The following LYPD6B variants were observed in gnomAD, a reference collection of about 807,000 sequenced individuals.
LYPD6B encodes ly6/PLAUR domain-containing protein 6B.
A neutral mutation model predicts 22.8 loss-of-function variants in LYPD6B; 17 were observed. That is an observed-to-expected ratio of 0.75 (90% CI 0.51 to 1.12). LYPD6B has a LOEUF of 1.12. LYPD6B is among the 50% of genes most tolerant of loss of function. LYPD6B has a pLI of 0.00. For missense variants in LYPD6B, 221 were observed against 258.3 expected, an observed-to-expected ratio of 0.86 and a Z score of 0.99; for synonymous variants, 106 against 91.6, an observed-to-expected ratio of 1.16 and a Z score of -0.90.
chr2:149,187,670 A>G (rs538561959), intron 3 of LYPD6B: 1 of 596,786 alleles, frequency 1.7e-6, no homozygotes, highest in Non-Finnish European at 2.6e-6. Context: ...TCTGTGGGCC[A>G]CATTAGAAGA....
intron 2 of LYPD6B, among the ~76,000 whole-genome samples, chr2:149,138,911 T>G (rs6433019): frequency 0.64 from 98,043 of 152,124 alleles, 31,807 homozygotes; most frequent in East Asian, 0.91. Flanking sequence ...AAACAATTTT[T>G]GCAGTGTTAT....
chr2:149,176,007 A>G (rs1251617495), intron 3 of LYPD6B, among the ~76,000 whole-genome samples: 3 of 152,248 alleles, frequency 2.0e-5, no homozygotes, highest in Admixed American at 6.5e-5. Context: ...AATAAAATAT[A>G]GTAAATACAT....
chr2:149,080,644 C>A (rs1268261751), intron 1 of LYPD6B, among the ~76,000 whole-genome samples: 2 of 151,930 alleles, frequency 1.3e-5, no homozygotes, highest in African/African-American at 4.8e-5. Flanking sequence ...GAGTTTGAGA[C>A]CAGCCTGGAC....
At chr2:149,196,370 T>G (rs573575497) in intron 3 of LYPD6B, among the ~76,000 whole-genome samples, 1 of 152,368 alleles carries the variant, frequency 6.6e-6, no homozygotes, top group East Asian at 1.9e-4. Context: ...TATTGTTCGT[T>G]TTTAAATGCC....
At chr2:149,072,340 T>G (rs1027909400) in intron 1 of LYPD6B, among the ~76,000 whole-genome samples, 8 of 138,962 alleles carry the variant, frequency 5.8e-5, no homozygotes, top group African/African-American at 2.2e-4. Context: ...GGTTATTTTA[T>G]TTTAGTTTAG....
At position 149,171,950 on chromosome 2, in the gene LYPD6B, C is replaced by T. The variant is rs115543300; in HGVS notation, c.77+11115C>T. Among the ~76,000 whole-genome samples the T allele has an allele frequency of 5.3e-3, 776 of 145,132 alleles. 5 individuals are homozygous for T. Among genetic ancestry groups the T allele is most frequent in the Non-Finnish European group, 7.5e-3 (485 of 64,924 alleles). ...CTCCCAGGCCCCTGGTTTCTACCCT[C>T]TGCCCTTTTGGCTCATTTCCTCCTC... On this transcript the variant is annotated intron_variant, in intron 3 of 6. Coordinates refer to ENST00000409642, the MANE Select transcript of LYPD6B (RefSeq NM_177964.5).
chr2:149,106,965 T>G (rs986779164), intron 1 of LYPD6B, among the ~76,000 whole-genome samples: 2 of 152,124 alleles, frequency 1.3e-5, no homozygotes, highest in African/African-American at 4.8e-5. Flanking sequence ...AGTGGATTCT[T>G]GAAACCATGG....
At chr2:149,180,597 T>G (rs962734571) in intron 3 of LYPD6B, among the ~76,000 whole-genome samples, 3 of 152,230 alleles carry the variant, frequency 2.0e-5, no homozygotes, top group Admixed American at 6.5e-5. Context: ...TCTTTCCTAC[T>G]GGAAGCATCC....
intron 3 of LYPD6B, among the ~76,000 whole-genome samples, chr2:149,174,772 G>A (rs961453516): frequency 2.6e-5 from 4 of 151,244 alleles, no homozygotes; most frequent in African/African-American, 9.7e-5. Flanking sequence ...TGTGCTGCTG[G>A]ATTCCTGTCA....
rs1694104361 is a variant in LYPD6B, at chr2:149,215,072, CTTG to C, written c.*365_*367del. On this transcript the variant is annotated 3_prime_UTR_variant, in exon 7 of 7. Coordinates refer to ENST00000409642, the MANE Select transcript of LYPD6B (RefSeq NM_177964.5). ...CTCAGAGGCTGCCAGGTCAAACCCT[CTTG>C]TTTATGTGATTAGCTCAGAGCATCT... 4.4e-6 allele frequency: 1 copy of C among 229,846 alleles called. No individual in the cohort carries two copies. The highest frequency in any genetic ancestry group is 2.2e-5 in the African/African-American group (1 of 45,270). The allele number at this position is 229,846 out of a possible 1,614,324, so 14.2% of individuals were successfully genotyped here.
At chr2:149,063,725 A>G (rs1684197614) in intron 1 of LYPD6B, among the ~76,000 whole-genome samples, 1 of 152,246 alleles carries the variant, frequency 6.6e-6, no homozygotes. Context: ...CCCAGAAATA[A>G]ATTCCAAAGG....
At chr2:149,063,223 A>C (rs1397632216) in intron 1 of LYPD6B, among the ~76,000 whole-genome samples, 1 of 152,210 alleles carries the variant, frequency 6.6e-6, no homozygotes, top group Non-Finnish European at 1.5e-5. Context: ...CAAATTAAAC[A>C]ATGAGTTTTA....
chr2:149,093,801 AT>A (rs373254165), intron 1 of LYPD6B, among the ~76,000 whole-genome samples: 162 of 151,916 alleles, frequency 1.1e-3, no homozygotes, highest in Non-Finnish European at 1.8e-3. Context: ...GAATAATCTG[AT>A]TTTTTTTCCA....
Position 149,134,927 on chromosome 2 carries a change from TAA to T in LYPD6B, c.5+3976_5+3977del, listed in dbSNP as rs556122746. Among the ~76,000 whole-genome samples the T allele has an allele frequency of 4.6e-3, 705 of 152,312 alleles. 4 individuals carry two copies. The highest frequency in any genetic ancestry group is 8.6e-3 in the Admixed American group (131 of 15,300). ...TTATCTTAGAATCATGGGAAATATTTAAAGCAACCATCAACTCTTTGAAGATT... is the reference window on the plus strand; with the variant it reads ...TTATCTTAGAATCATGGGAAATATTTAGCAACCATCAACTCTTTGAAGATT... On this transcript the variant is annotated intron_variant, in intron 2 of 6. Transcript: ENST00000409642.
chr2:149,120,940 C>T (rs555177537), intron 1 of LYPD6B, among the ~76,000 whole-genome samples: 158 of 151,826 alleles, frequency 1.0e-3, no homozygotes, highest in African/African-American at 3.8e-3. Context: ...TACAGGTGTG[C>T]ACCACCATAC....
chr2:149,133,573 C>T (rs6737636), intron 2 of LYPD6B, among the ~76,000 whole-genome samples: 36,626 of 152,166 alleles, frequency 0.24, 5,675 homozygotes, highest in East Asian at 0.54. Flanking sequence ...TCAAGAGTAT[C>T]AGAACCACTA....
In LYPD6B at chr2:149,082,609, A is replaced by G. The variant is rs138840885; in HGVS notation, c.-67+43808A>G. ...CAGTGTTTTCCATTCAGTACTTGATAGTATTACTTAGTGATACTATGGTAA... is the reference window on the plus strand; with the variant it reads ...CAGTGTTTTCCATTCAGTACTTGATGGTATTACTTAGTGATACTATGGTAA... On this transcript the variant is annotated intron_variant, in intron 1 of 6. Coordinates refer to ENST00000409642, the MANE Select transcript of LYPD6B (RefSeq NM_177964.5). 2.5e-3 allele frequency among the ~76,000 whole-genome samples: 376 copies of G among 152,324 alleles called. 5 individuals carry two copies. The highest frequency in any genetic ancestry group is 2.9e-4 in the Non-Finnish European group (20 of 68,022).
intron 1 of LYPD6B, among the ~76,000 whole-genome samples, chr2:149,050,060 C>G (rs1333464681): frequency 6.6e-6 from 1 of 152,088 alleles, no homozygotes; most frequent in African/African-American, 2.4e-5. Flanking sequence ...TCCCCTTGCC[C>G]CCAGGTCAGA....
chr2:149,070,925 A>G (rs1006238463), intron 1 of LYPD6B, among the ~76,000 whole-genome samples: 3 of 152,244 alleles, frequency 2.0e-5, no homozygotes, highest in African/African-American at 7.2e-5. Flanking sequence ...ATGACAGAGC[A>G]TATTCGCCGT....
Sources: gnomAD v4.1 joint callset for allele counts (sites outside exome capture counted in the v4.1 genomes callset) on GRCh38, gnomAD v4.1.1 for gene constraint, MANE v1.5 for transcripts, NCBI Gene and HGNC (gene_info 2026-07-23, HGNC 2026-07-21) for gene names.